PUM3: variants seen among roughly 807,000 people sequenced by gnomAD.
The protein encoded by PUM3 is pumilio RNA binding family member 3.
Under a neutral mutation model 84.0 loss-of-function variants are expected in PUM3, and 91 were observed. That is an observed-to-expected ratio of 1.08 (90% CI 0.91 to 1.29). The LOEUF is 1.29. Among genes scored for constraint, PUM3 ranks in the 50% most tolerant of loss-of-function variants. PUM3 has a pLI of 0.00. For synonymous variants in PUM3, 321 were observed against 266.7 expected (o/e 1.20, Z -1.98); for missense variants, 1,067 against 767.5 (o/e 1.39, Z -4.61).
intron 3 of PUM3, among the ~76,000 whole-genome samples, chr9:2,834,634 G>T (rs1195214944): frequency 3.3e-5 from 5 of 152,160 alleles, no homozygotes; most frequent in Non-Finnish European, 7.3e-5. Flanking sequence ...ACTCGAAGAG[G>T]TAGGTATTAA....
chr9:2,829,278 C>T (rs940330514), intron 8 of PUM3, among the ~76,000 whole-genome samples: 5 of 152,232 alleles, frequency 3.3e-5, no homozygotes, highest in African/African-American at 1.2e-4. Flanking sequence ...GCTAGTCCCA[C>T]TGCTAACTAT....
chr9:2,825,641 C>T (rs146754968), intron 10 of PUM3, among the ~76,000 whole-genome samples: 4,402 of 152,090 alleles, frequency 0.029, 185 homozygotes, highest in African/African-American at 0.094. Context: ...CGCCACCACC[C>T]CCGGCTAATT....
intron 6 of PUM3, 55 bp downstream of exon 6, chr9:2,831,196 G>C: frequency 1.6e-6 from 2 of 1,285,226 alleles, no homozygotes; most frequent in Non-Finnish European, 2.2e-6. Flanking sequence ...TATTTTAAGA[G>C]AAAACAAGTG....
chr9:2,831,624 C>T (rs904097169), intron 5 of PUM3, among the ~76,000 whole-genome samples: 2 of 152,064 alleles, frequency 1.3e-5, no homozygotes, highest in African/African-American at 4.8e-5. Context: ...CCAAAGCAAA[C>T]CAAACCATCT....
chr9:2,812,583 A>G (rs138019969), intron 13 of PUM3, among the ~76,000 whole-genome samples: 2 of 152,352 alleles, frequency 1.3e-5, no homozygotes, highest in African/African-American at 4.8e-5. Context: ...AAAATAAAGT[A>G]TGCCTAGAAT....
chr9:2,824,937 C>T (rs1815770017), intron 10 of PUM3, 122 bp from the exon 11 acceptor site: 2 of 468,688 alleles, frequency 4.3e-6, no homozygotes, highest in Non-Finnish European at 7.1e-6. Context: ...TGCCAGGTAG[C>T]AAACAATTTC....
chr9:2,840,876 C>G (rs932437402), intron 1 of PUM3, among the ~76,000 whole-genome samples: 2 of 152,210 alleles, frequency 1.3e-5, no homozygotes, highest in South Asian at 2.1e-4. Flanking sequence ...TATTTAAAAA[C>G]CAAGATCTGA....
rs1051980724 is a variant in PUM3, at chr9:2,806,625, T to C, written c.1814+1189A>G. Among the ~76,000 whole-genome samples the C allele has an allele frequency of 2.2e-4, 34 of 152,300 alleles. 1 individual carries two copies. Among genetic ancestry groups the C allele is most frequent in the African/African-American group, 7.9e-4 (33 of 41,568 alleles). Reference sequence around the variant, plus strand: ...AAATCTTTTTTTAAATGAATGCTCTTAACAGAAGGTTTTCATCTGCACAGA... The same window carrying C: ...AAATCTTTTTTTAAATGAATGCTCTCAACAGAAGGTTTTCATCTGCACAGA... On this transcript the variant is annotated intron_variant, in intron 17 of 17. Coordinates refer to ENST00000397885, the MANE Select transcript of PUM3 (RefSeq NM_014878.5).
At chr9:2,821,007 A>T (rs1821577558) in intron 12 of PUM3, among the ~76,000 whole-genome samples, 1 of 152,218 alleles carries the variant, frequency 6.6e-6, no homozygotes, top group Admixed American at 6.5e-5. Context: ...AATAGCCCAC[A>T]ATCATTCAGA....
intron 17 of PUM3, among the ~76,000 whole-genome samples, chr9:2,807,329 G>A (rs1473113088): frequency 6.6e-6 from 1 of 151,662 alleles, no homozygotes. Flanking sequence ...AAGCACAATG[G>A]CTATGCCTGT....
intron 13 of PUM3, among the ~76,000 whole-genome samples, chr9:2,818,604 T>C (rs1821520910): frequency 6.6e-6 from 1 of 152,196 alleles, no homozygotes; most frequent in Non-Finnish European, 1.5e-5. Flanking sequence ...GCCTCACATC[T>C]CTGTCACAAG....
At chr9:2,838,899 T>C (rs1270606728) in intron 1 of PUM3, among the ~76,000 whole-genome samples, 1 of 152,160 alleles carries the variant, frequency 6.6e-6, no homozygotes, top group African/African-American at 2.4e-5. Context: ...GACAAAATTA[T>C]CGCTTGATTT....
chr9:2,823,891 T>C (rs1384608465), intron 11 of PUM3, 57 bp from the exon 12 acceptor site: 2 of 843,926 alleles, frequency 2.4e-6, no homozygotes, highest in Admixed American at 2.9e-5. Flanking sequence ...GGGTATTTTG[T>C]AGTTAAACAT....
In PUM3 at chr9:2,824,795, G is replaced by A. The variant is rs763123892; in HGVS notation, c.1056C>T (p.Arg352=). 10 of 1,572,944 alleles carry A rather than the reference G, an allele frequency of 6.4e-6. No individual in the cohort carries two copies. Among genetic ancestry groups the A allele is most frequent in the South Asian group, 2.3e-5 (2 of 85,950 alleles). ...KLRSEMIEAI[R]EAVVYLAHTH... is the part of the protein sequence containing the mutation. ...TGTGTGCCAGGTAGACCACCGCTTC[G>A]CGGATGGCTTCAATCATTTCCTAGG... The change falls in exon 11 of 18, where the codon CGC becomes CGT. Residue 352 remains arginine, a synonymous_variant. Transcript: ENST00000397885.
intron 2 of PUM3, 45 bp from the exon 3 acceptor site, chr9:2,837,446 T>C (rs1246436497): frequency 7.9e-7 from 1 of 1,260,416 alleles, no homozygotes; most frequent in Non-Finnish European, 1.1e-6. Context: ...TGGGCCCAAA[T>C]CTCTTTTATC....
At position 2,821,917 on chromosome 9, in the gene PUM3, T is replaced by C. The variant is rs115523981; in HGVS notation, c.1189-1819A>G. ...TATGGTATAGGCACACGATGAAATA[T>C]TACAGTCACTAAGAAAAGTGAGGTA... On this transcript the variant is annotated intron_variant, in intron 12 of 17. Coordinates refer to ENST00000397885, the MANE Select transcript of PUM3 (RefSeq NM_014878.5). Among the ~76,000 whole-genome samples the C allele has an allele frequency of 4.5e-3, 680 of 152,292 alleles. 5 individuals are homozygous for C. Among genetic ancestry groups the C allele is most frequent in the African/African-American group, 0.015 (615 of 41,558 alleles).
At position 2,837,319 on chromosome 9, in the gene PUM3, T is replaced by C; in HGVS notation, c.165A>G (p.Lys55=). 3.1e-6 allele frequency: 5 copies of C among 1,614,134 alleles called. No individual in the cohort carries two copies. Among genetic ancestry groups the C allele is most frequent in the South Asian group, 2.2e-5 (2 of 91,086 alleles). The change falls in exon 3 of 18, where the codon AAA becomes AAG. Residue 55 remains lysine (K), a synonymous_variant. Transcript: ENST00000397885. ...GPKVTSRNFE[K]SITKLGKKGV... ...CCTTTTTCCCAAGTTTTGTGATACT[T>C]TTCTCAAAGTTCCTAGATGTGACTT...
At chr9:2,843,969 G>C (rs904515721) in intron 1 of PUM3, 76 bp downstream of exon 1, 5 of 153,726 alleles carry the variant, frequency 3.3e-5, no homozygotes, top group African/African-American at 1.2e-4. Flanking sequence ...ACAGCCCCGA[G>C]AGACCTTCCC....
chr9:2,827,601 T>G (rs1395969989), intron 9 of PUM3, among the ~76,000 whole-genome samples: 2 of 152,164 alleles, frequency 1.3e-5, no homozygotes, highest in African/African-American at 4.8e-5. Context: ...AACCAAACAT[T>G]GTCAGCAATT....
Sources: gnomAD v4.1 joint callset for allele counts (sites outside exome capture counted in the v4.1 genomes callset) on GRCh38, gnomAD v4.1.1 for gene constraint, MANE v1.5 for transcripts, NCBI Gene and HGNC (gene_info 2026-07-23, HGNC 2026-07-21) for gene names.